The following OTOGL variants were observed in gnomAD, a reference collection of about 807,000 sequenced individuals.
OTOGL encodes otogelin like, also known as otogelin-like protein.
Under a neutral mutation model 318.5 loss-of-function variants are expected in OTOGL, and 285 were observed. That is an observed-to-expected ratio of 0.89 (90% CI 0.81 to 0.99). The LOEUF (loss-of-function observed/expected upper bound fraction) is 0.99, where lower values mean the gene tolerates loss of function less well. Among genes scored for constraint, OTOGL ranks in the 50% least tolerant of loss-of-function variants. The pLI is 0.00. For missense variants in OTOGL, 2,899 were observed against 2,845.6 expected, an observed-to-expected ratio of 1.02 and a Z score of -0.43; for synonymous variants, 987 against 936.5, an observed-to-expected ratio of 1.05 and a Z score of -0.99.
At chr12:80,182,544 G>T (rs746252590) in intron 1 of OTOGL, among the ~76,000 whole-genome samples, 2 of 152,210 alleles carry the variant, frequency 1.3e-5, no homozygotes, top group African/African-American at 4.8e-5. Flanking sequence ...TGACATAGAG[G>T]TTGGTTGAAG....
At chr12:80,211,451 A>T (rs190661690) in intron 3 of OTOGL, among the ~76,000 whole-genome samples, 100 of 152,308 alleles carry the variant, frequency 6.6e-4, no homozygotes, top group African/African-American at 2.3e-3. Flanking sequence ...TATAAAGCAA[A>T]TATATGCCTT....
At position 80,257,910 on chromosome 12, in the gene OTOGL, G is replaced by C. The variant is rs1882201800; in HGVS notation, c.1797G>C (p.Gly599=). ...TAAAGATTCTGTTTGCTATAGATGGGGAAAGAATTTATATTCAGCTTACTA... is the reference window on the plus strand; with the variant it reads ...TAAAGATTCTGTTTGCTATAGATGGCGAAAGAATTTATATTCAGCTTACTA... ...FGLKILFAID[G]ERIYIQLTSA... The change falls in exon 18 of 59, where the codon GGG becomes GGC. Residue 599 remains glycine (G), a synonymous_variant. Coordinates refer to ENST00000547103, the MANE Select transcript of OTOGL (RefSeq NM_001378609.3). The C allele has an allele frequency of 6.3e-7, 1 of 1,597,340 alleles. No homozygotes were observed. Among genetic ancestry groups the C allele is most frequent in the Non-Finnish European group, 8.5e-7 (1 of 1,178,740 alleles).
At chr12:80,267,009 T>C (rs934006567) in intron 21 of OTOGL, among the ~76,000 whole-genome samples, 1 of 152,340 alleles carries the variant, frequency 6.6e-6, no homozygotes, top group East Asian at 1.9e-4. Context: ...TCAGTGATTT[T>C]TCTTGTGACT....
At chr12:80,314,176 A>T in intron 31 of OTOGL, 129 bp from the exon 32 acceptor site, 1 of 307,696 alleles carries the variant, frequency 3.2e-6, no homozygotes, top group Non-Finnish European at 6.2e-6. Flanking sequence ...GCTCAGAAAA[A>T]GTTCCTAAAT....
chr12:80,141,153 C>T (rs1871912300), intron 1 of OTOGL, among the ~76,000 whole-genome samples: 1 of 152,096 alleles, frequency 6.6e-6, no homozygotes, highest in Non-Finnish European at 1.5e-5. Flanking sequence ...CTGTCACATT[C>T]CCCGAGTTCT....
intron 1 of OTOGL, among the ~76,000 whole-genome samples, chr12:80,142,023 A>G (rs1169631563): frequency 2.0e-5 from 3 of 152,042 alleles, no homozygotes; most frequent in Non-Finnish European, 4.4e-5. Context: ...ATAGTCTGAG[A>G]TCAGGAGGGA....
At chr12:80,335,851 GT>G (rs1344011120) in intron 38 of OTOGL, 111 bp from the exon 39 acceptor site, 4 of 964,614 alleles carry the variant, frequency 4.1e-6, no homozygotes, top group Non-Finnish European at 5.6e-6. Flanking sequence ...TCTTTCAAAA[GT>G]TTTTGTATTC....
rs570337224 is a variant in OTOGL at position 80,144,236 on chromosome 12, G to A, written c.-20+44631G>A. ...CCCACCCCACAACAGTCCCCAGAGT[G>A]TGATGTTCCCCTTCTGTGTCCATGT... On this transcript the variant is annotated intron_variant, in intron 1 of 58. Transcript: ENST00000547103. Among the ~76,000 whole-genome samples the A allele has an allele frequency of 1.2e-4, 18 of 152,094 alleles. No homozygotes were observed. The East Asian group carries it at 2.1e-3, about 18-fold the overall frequency.
At chr12:80,164,178 G>A (rs1873697971) in intron 1 of OTOGL, among the ~76,000 whole-genome samples, 1 of 152,126 alleles carries the variant, frequency 6.6e-6, no homozygotes, top group Non-Finnish European at 1.5e-5. Context: ...GTATAATTGT[G>A]AAGAATATGG....
At chr12:80,132,460 T>G (rs1010016884) in intron 1 of OTOGL, 8 of 152,124 alleles carry the variant, frequency 5.3e-5, no homozygotes, top group Non-Finnish European at 8.8e-5. Context: ...GAAAATGTTT[T>G]ATCTGCCGGG....
chr12:80,164,054 C>T (rs1873690506), intron 1 of OTOGL, among the ~76,000 whole-genome samples: 1 of 152,036 alleles, frequency 6.6e-6, no homozygotes, highest in African/African-American at 2.4e-5. Context: ...TGTGCTTTTC[C>T]CCTCAAGAAT....
At chr12:80,354,958 T>A (rs1191485161) in intron 46 of OTOGL, among the ~76,000 whole-genome samples, 7 of 152,182 alleles carry the variant, frequency 4.6e-5, no homozygotes, top group Admixed American at 4.6e-4. Flanking sequence ...AGCAGAAATA[T>A]TTTGAATTTT....
At chr12:80,152,626 G>A (rs1401602845) in intron 1 of OTOGL, among the ~76,000 whole-genome samples, 1 of 152,156 alleles carries the variant, frequency 6.6e-6, no homozygotes, top group African/African-American at 2.4e-5. Context: ...ATTTGAGGAT[G>A]GGTAACAAAT....
chr12:80,222,204 G>T lies in OTOGL; in HGVS notation c.448G>T (p.Ala150Ser), dbSNP rs1452249805. The change falls in exon 7 of 59, where the codon GCA (alanine) becomes TCA (serine). Residue 150 changes from alanine to serine, a missense_variant. Physicochemically the swap from Ala to Ser is moderately conservative, Grantham distance 99. Coordinates refer to ENST00000547103, the MANE Select transcript of OTOGL (RefSeq NM_001378609.3). ...CCCAGGAAACTGTTCTTACATTTTTGCAAAGGACTGTGGTGATTTGGAGCC... is the reference window on the plus strand; with the variant it reads ...CCCAGGAAACTGTTCTTACATTTTTTCAAAGGACTGTGGTGATTTGGAGCC... Reference protein sequence around the residue: ...YFPGNCSYIFAKDCGDLEPRY... With the variant: ...YFPGNCSYIFSKDCGDLEPRY... 2.5e-6 allele frequency: 4 copies of T among 1,597,986 alleles called. No individual in the cohort carries two copies. The highest frequency in any genetic ancestry group is 3.4e-6 in the Non-Finnish European group (4 of 1,178,690).
At chr12:80,207,294 C>G (rs1309419966) in intron 1 of OTOGL, among the ~76,000 whole-genome samples, 1 of 152,092 alleles carries the variant, frequency 6.6e-6, no homozygotes, top group Non-Finnish European at 1.5e-5. Flanking sequence ...CTCCGCCTCC[C>G]AGGTTCAAGT....
intron 11 of OTOGL, 46 bp downstream of exon 11, chr12:80,239,485 A>G: frequency 7.4e-7 from 1 of 1,350,752 alleles, no homozygotes; most frequent in Non-Finnish European, 1.0e-6. Flanking sequence ...CTTTATGCAA[A>G]AAGAAGACCC....
chr12:80,213,100 A>G (rs951483128), intron 4 of OTOGL, among the ~76,000 whole-genome samples: 3 of 152,220 alleles, frequency 2.0e-5, no homozygotes, highest in Admixed American at 6.5e-5. Context: ...TTGACTGAGT[A>G]TACTTGTAGT....
intron 1 of OTOGL, among the ~76,000 whole-genome samples, chr12:80,114,166 T>C (rs533333250): frequency 1.3e-4 from 20 of 152,348 alleles, no homozygotes; most frequent in Non-Finnish European, 2.5e-4. Flanking sequence ...TGATGTTAGC[T>C]GGTTATTGTG....
chr12:80,365,014 A>G (rs1253657958), intron 52 of OTOGL, among the ~76,000 whole-genome samples: 2 of 152,110 alleles, frequency 1.3e-5, no homozygotes, highest in African/African-American at 4.8e-5. Flanking sequence ...ACACATTTAC[A>G]AGGCTGTGGA....
Sources: allele counts gnomAD v4.1 joint callset (sites outside exome capture counted in the v4.1 genomes callset), GRCh38; gene constraint gnomAD v4.1.1; transcripts MANE v1.5; gene names NCBI Gene and HGNC (gene_info 2026-07-23, HGNC 2026-07-21).